RBMS3: variants seen among roughly 807,000 people sequenced by gnomAD.
The protein encoded by RBMS3 is RNA binding motif single stranded interacting protein 3.
In RBMS3, 27 loss-of-function variants were observed where a neutral mutation model predicts 66.8. The ratio of observed to expected loss-of-function variants is 0.40; its 90% CI spans 0.30 to 0.56. RBMS3 has a LOEUF of 0.56. RBMS3 is among the 20% of genes least tolerant of loss of function. The pLI, the probability that RBMS3 is intolerant of heterozygous loss-of-function variation, is 0.40. For missense variants in RBMS3, 513 were observed against 549.5 expected (o/e 0.93, Z 0.66); for synonymous variants, 188 against 183.0 (o/e 1.03, Z -0.22).
chr3:29,458,870 A>G (rs981292213), intron 2 of RBMS3, among the ~76,000 whole-genome samples: 2 of 152,238 alleles, frequency 1.3e-5, no homozygotes, highest in African/African-American at 4.8e-5. Context: ...TAAGCATATT[A>G]TCTTACACTA....
intron 4 of RBMS3, among the ~76,000 whole-genome samples, chr3:29,599,624 T>G (rs1339718014): frequency 6.6e-6 from 1 of 151,930 alleles, no homozygotes; most frequent in African/African-American, 2.4e-5. Context: ...CGTCCACAGG[T>G]GTGTAGGCTT....
intron 4 of RBMS3, chr3:29,616,841 A>G (rs961750038): frequency 3.3e-5 from 5 of 152,232 alleles, no homozygotes; most frequent in Admixed American, 6.5e-5. Flanking sequence ...AGAGGAATCA[A>G]TGTTTATGAT....
At chr3:29,778,243 G>A (rs1174594094) in intron 6 of RBMS3, among the ~76,000 whole-genome samples, 1 of 151,518 alleles carries the variant, frequency 6.6e-6, no homozygotes, top group East Asian at 1.9e-4. Context: ...TTAATTTCAG[G>A]GTTTAAACAT....
At chr3:29,320,053 C>G (rs1057185187) in intron 1 of RBMS3, among the ~76,000 whole-genome samples, 8 of 151,966 alleles carry the variant, frequency 5.3e-5, no homozygotes, top group African/African-American at 1.9e-4. Flanking sequence ...TAGTCTCTGC[C>G]ATGTAAAAGG....
chr3:29,307,645 A>T (rs1007819522), intron 1 of RBMS3, among the ~76,000 whole-genome samples: 1 of 151,924 alleles, frequency 6.6e-6, no homozygotes, highest in Non-Finnish European at 1.5e-5. Context: ...AGTGACAGAC[A>T]TGTAGTAAGT....
chr3:29,907,470 T>G (rs2060408947), intron 10 of RBMS3, among the ~76,000 whole-genome samples: 1 of 151,860 alleles, frequency 6.6e-6, no homozygotes, highest in Non-Finnish European at 1.5e-5. Flanking sequence ...TTAATCAAAG[T>G]TTTTTTGAAA....
chr3:29,868,297 G>A (rs2059408887), intron 6 of RBMS3, among the ~76,000 whole-genome samples: 1 of 152,106 alleles, frequency 6.6e-6, no homozygotes, highest in Non-Finnish European at 1.5e-5. Flanking sequence ...TGTTCTCCCT[G>A]GGATTCTGAC....
At chr3:29,505,688 A>G (rs77743648) in intron 3 of RBMS3, among the ~76,000 whole-genome samples, 3,353 of 151,746 alleles carry the variant, frequency 0.022, 119 homozygotes, top group African/African-American at 0.077. Context: ...GCATCTTAAT[A>G]GTATTCTTCT....
At chr3:29,598,153 T>C (rs562413916) in intron 4 of RBMS3, among the ~76,000 whole-genome samples, 1 of 152,248 alleles carries the variant, frequency 6.6e-6, no homozygotes, top group African/African-American at 2.4e-5. Context: ...TAGACATTAA[T>C]GTAAGAAATG....
At chr3:29,952,036 T>C (rs575273106) in intron 12 of RBMS3, among the ~76,000 whole-genome samples, 1 of 151,912 alleles carries the variant, frequency 6.6e-6, no homozygotes, top group Admixed American at 6.6e-5. Flanking sequence ...TTAATAACAG[T>C]CTTTGAAATG....
At chr3:29,389,211 T>C (rs1441701623) in intron 1 of RBMS3, among the ~76,000 whole-genome samples, 1 of 152,208 alleles carries the variant, frequency 6.6e-6, no homozygotes, top group Non-Finnish European at 1.5e-5. Context: ...CCATGGGTTC[T>C]CATTTTTCTT....
chr3:29,625,237 A>G (rs141417336), intron 4 of RBMS3, among the ~76,000 whole-genome samples: 6 of 152,246 alleles, frequency 3.9e-5, no homozygotes, highest in African/African-American at 9.6e-5. Flanking sequence ...AATACAATTG[A>G]CTACAAATTT....
chr3:29,843,403 T>C (rs926633355), intron 6 of RBMS3, among the ~76,000 whole-genome samples: 1 of 152,212 alleles, frequency 6.6e-6, no homozygotes, highest in South Asian at 2.1e-4. Flanking sequence ...GTGATTTCTA[T>C]GGTCACCAGT....
intron 5 of RBMS3, among the ~76,000 whole-genome samples, chr3:29,743,743 TTA>T (rs1360333804): frequency 2.4e-4 from 37 of 151,736 alleles, no homozygotes; most frequent in African/African-American, 8.7e-4. Flanking sequence ...TTTTTTTTTT[TTA>T]AATTTTATTA....
chr3:29,878,694 C>T (rs1394645665), intron 7 of RBMS3, among the ~76,000 whole-genome samples: 1 of 152,034 alleles, frequency 6.6e-6, no homozygotes, highest in Non-Finnish European at 1.5e-5. Flanking sequence ...TCATAGAAGA[C>T]ATAATATGCT....
At chr3:29,781,110 C>T (rs1380782473) in intron 6 of RBMS3, among the ~76,000 whole-genome samples, 9 of 130,530 alleles carry the variant, frequency 6.9e-5, no homozygotes, top group African/African-American at 2.5e-4. Context: ...TGCTATCCCT[C>T]CCCCCTCCCC....
rs563435094 is a variant in RBMS3 at position 29,577,405 on chromosome 3, C to T, written c.308-9709C>T. ...GGCACAAGCATTCCTTTAGCTGCCCCGGCTGGTGTCTCCCTAGGTCTCATG... is the reference window on the plus strand; with the variant it reads ...GGCACAAGCATTCCTTTAGCTGCCCTGGCTGGTGTCTCCCTAGGTCTCATG... On this transcript the variant is annotated intron_variant, in intron 3 of 14. Transcript: ENST00000383767. Among the ~76,000 whole-genome samples, 14 of 152,290 alleles carry T rather than the reference C, an allele frequency of 9.2e-5. No homozygotes were observed. In the East Asian group the frequency reaches 9.7e-4, roughly 11 times the overall value.
intron 1 of RBMS3, among the ~76,000 whole-genome samples, chr3:29,367,466 G>T (rs1384031578): frequency 6.6e-6 from 1 of 151,984 alleles, no homozygotes; most frequent in Non-Finnish European, 1.5e-5. Flanking sequence ...CAATATAAAA[G>T]CATTGGTATA....
chr3:29,509,453 AT>A (rs1441298872), intron 3 of RBMS3, among the ~76,000 whole-genome samples: 5 of 152,172 alleles, frequency 3.3e-5, no homozygotes, highest in African/African-American at 1.2e-4. Flanking sequence ...TATTGTCTTC[AT>A]TTTCTAGGTG....
Sources: gnomAD v4.1 joint callset for allele counts (sites outside exome capture counted in the v4.1 genomes callset) on GRCh38, gnomAD v4.1.1 for gene constraint, MANE v1.5 for transcripts, NCBI Gene and HGNC (gene_info 2026-07-23, HGNC 2026-07-21) for gene names.